CALN1: variants seen among roughly 807,000 people sequenced by gnomAD.
CALN1 encodes calneuron 1.
A neutral mutation model predicts 30.6 loss-of-function variants in CALN1; 17 were observed. The observed-to-expected ratio is 0.56, with a 90% CI of 0.38 to 0.83. The LOEUF (loss-of-function observed/expected upper bound fraction) is 0.83, where lower values mean the gene tolerates loss of function less well. Among genes scored for constraint, CALN1 ranks in the 40% least tolerant of loss-of-function variants. The probability of loss-of-function intolerance (pLI) is 0.00; values close to 1 mark genes in which losing one functional copy is unlikely to be tolerated. For missense variants in CALN1, 291 were observed against 354.9 expected (o/e 0.82, Z 1.45); for synonymous variants, 156 against 131.4 (o/e 1.19, Z -1.28).
intron 5 of CALN1, among the ~76,000 whole-genome samples, chr7:71,865,153 G>A (rs530345026): frequency 2.2e-4 from 33 of 152,258 alleles, no homozygotes; most frequent in African/African-American, 7.2e-4. Flanking sequence ...CAATTCTCAC[G>A]GTGAACTGTA....
chr7:71,897,285 G>A (rs911380773), intron 5 of CALN1, among the ~76,000 whole-genome samples: 1 of 152,126 alleles, frequency 6.6e-6, no homozygotes, highest in African/African-American at 2.4e-5. Flanking sequence ...GGGAACTGTT[G>A]CACCGGGACT....
intron 2 of CALN1, among the ~76,000 whole-genome samples, chr7:72,334,543 G>A (rs948514307): frequency 2.0e-5 from 3 of 151,140 alleles, no homozygotes; most frequent in Admixed American, 6.6e-5. Context: ...CCTTACAGAG[G>A]AAAGGGCATC....
chr7:72,147,334 C>T (rs901785953), intron 3 of CALN1, among the ~76,000 whole-genome samples: 4 of 152,068 alleles, frequency 2.6e-5, no homozygotes, highest in African/African-American at 4.8e-5. Context: ...CAAAAGAAGA[C>T]ATTTATGCAG....
intron 5 of CALN1, among the ~76,000 whole-genome samples, chr7:71,922,829 A>G (rs1331673441): frequency 7.2e-6 from 1 of 139,666 alleles, no homozygotes; most frequent in South Asian, 2.1e-4. Flanking sequence ...TATACAGAAT[A>G]TATATAAATA....
chr7:72,302,095 T>C (rs994020242), intron 2 of CALN1, among the ~76,000 whole-genome samples: 1 of 149,782 alleles, frequency 6.7e-6, no homozygotes, highest in East Asian at 1.9e-4. Flanking sequence ...ACTGATGAAA[T>C]AGGAGAGAAA....
chr7:72,291,075 C>T (rs1798446633), intron 2 of CALN1, among the ~76,000 whole-genome samples: 2 of 152,010 alleles, frequency 1.3e-5, no homozygotes, highest in African/African-American at 4.8e-5. Flanking sequence ...AGTTATGCAC[C>T]ACCATGCCTG....
chr7:72,417,876 G>T (rs1005030988), intron 1 of CALN1, among the ~76,000 whole-genome samples: 1 of 152,016 alleles, frequency 6.6e-6, no homozygotes, highest in Non-Finnish European at 1.5e-5. Flanking sequence ...GGAATCACTG[G>T]GTCTCTAAGT....
chr7:71,816,657 C>G (rs749026541), intron 5 of CALN1, among the ~76,000 whole-genome samples: 3 of 152,040 alleles, frequency 2.0e-5, no homozygotes, highest in Non-Finnish European at 4.4e-5. Flanking sequence ...ACTCCAAAAT[C>G]TATAGTTTTG....
chr7:72,255,981 G>A (rs1286802796), intron 3 of CALN1, among the ~76,000 whole-genome samples: 2 of 152,192 alleles, frequency 1.3e-5, no homozygotes, highest in African/African-American at 4.8e-5. Flanking sequence ...ACCCGCCTCG[G>A]CCTCCCAAGG....
chr7:72,337,521 T>A (rs1407293827), intron 2 of CALN1: 1 of 154,910 alleles, frequency 6.5e-6, no homozygotes, highest in South Asian at 2.1e-4. Context: ...TTCCTTCCCT[T>A]CCCAAAGAGG....
At chr7:72,289,252 C>T (rs780540262) in intron 2 of CALN1, among the ~76,000 whole-genome samples, 6 of 152,128 alleles carry the variant, frequency 3.9e-5, no homozygotes, top group Admixed American at 1.3e-4. Flanking sequence ...TTGGTAAGCT[C>T]TTATTAGATG....
intron 2 of CALN1, among the ~76,000 whole-genome samples, chr7:72,319,128 A>T (rs886506419): frequency 2.0e-5 from 3 of 152,216 alleles, no homozygotes; most frequent in Non-Finnish European, 2.9e-5. Flanking sequence ...ATAAAGAATC[A>T]ACTTAAGTGT....
At chr7:72,080,854 A>G (rs1360662036) in intron 4 of CALN1, among the ~76,000 whole-genome samples, 1 of 152,096 alleles carries the variant, frequency 6.6e-6, no homozygotes, top group African/African-American at 2.4e-5. Flanking sequence ...CAGGTTTGAG[A>G]TCGTGTTAGT....
At chr7:71,876,691 T>A (rs1291819858) in intron 5 of CALN1, among the ~76,000 whole-genome samples, 1 of 150,738 alleles carries the variant, frequency 6.6e-6, no homozygotes, top group Non-Finnish European at 1.5e-5. Context: ...CTAACCTAAA[T>A]GAATCTACAT....
rs1282727784 is a variant in CALN1 at position 72,054,460 on chromosome 7, T to C, written c.389-30691A>G. ...ATATATATATATACATATATATACA[T>C]ATATATACATATATACATACATATA... is the stretch of plus-strand genomic sequence containing the variant. On this transcript the variant is annotated intron_variant, in intron 4 of 6. Coordinates refer to ENST00000395275, the MANE Select transcript of CALN1 (RefSeq NM_031468.4). Among the ~76,000 whole-genome samples, 119 of 78,560 alleles carry C rather than the reference T, an allele frequency of 1.5e-3. 2 individuals are homozygous for C. The highest frequency in any genetic ancestry group is 0.018 in the Middle Eastern group (2 of 114). 51.5% of individuals were successfully genotyped at this position (78,560 alleles called of 152,430 possible).
chr7:72,374,607 T>C (rs1340265739), intron 2 of CALN1, among the ~76,000 whole-genome samples: 1 of 148,080 alleles, frequency 6.8e-6, no homozygotes, highest in Non-Finnish European at 1.5e-5. Context: ...CTCAACCTTA[T>C]AAAGGACATC....
chr7:72,377,618 C>A (rs1804648720), intron 2 of CALN1, among the ~76,000 whole-genome samples: 1 of 152,148 alleles, frequency 6.6e-6, no homozygotes, highest in Non-Finnish European at 1.5e-5. Flanking sequence ...AGCAACTTCT[C>A]TGAACTAATT....
the CALN1 span, among the ~76,000 whole-genome samples, chr7:72,495,336 G>A: frequency 1.5e-4 from 23 of 152,266 alleles, no homozygotes; most frequent in Non-Finnish European, 2.9e-4. Context: ...ACTGACTCTT[G>A]GAGATCTCCT....
rs370791423 is a variant in CALN1 at position 71,800,787 on chromosome 7, CTTTTG to C, written c.658+9544_658+9548del. On this transcript the variant is annotated intron_variant, in intron 6 of 6. Transcript: ENST00000395275. ...GGTAGACCCAGGTTAAAATTATTTT[CTTTTG>C]TTTTGACTCAGCAATTAAAAAAAAA... 1.5e-3 allele frequency among the ~76,000 whole-genome samples: 226 copies of C among 151,978 alleles called. 1 individual carries two copies. The highest frequency in any genetic ancestry group is 5.2e-3 in the African/African-American group (216 of 41,444).
Sources: allele counts gnomAD v4.1 joint callset (sites outside exome capture counted in the v4.1 genomes callset), GRCh38; gene constraint gnomAD v4.1.1; transcripts MANE v1.5; gene names NCBI Gene and HGNC (gene_info 2026-07-23, HGNC 2026-07-21).